CERS4: variants seen among roughly 807,000 people sequenced by gnomAD.
CERS4 encodes the protein ceramide synthase 4.
A neutral mutation model predicts 51.8 loss-of-function variants in CERS4; 65 were observed. The ratio of observed to expected loss-of-function variants is 1.26; its 90% CI spans 1.03 to 1.54. CERS4 has a LOEUF of 1.54. Ranked by LOEUF, CERS4 falls within the 40% of genes most tolerant of loss-of-function variation. The pLI is 0.00. For missense variants in CERS4, 563 were observed against 500.4 expected (o/e 1.13, Z -1.19); for synonymous variants, 228 against 208.4 (o/e 1.09, Z -0.81).
chr19:8,231,661 G>T (rs1968007456), intron 2 of CERS4, among the ~76,000 whole-genome samples: 1 of 151,578 alleles, frequency 6.6e-6, no homozygotes, highest in African/African-American at 2.4e-5. Context: ...CCATTCTCCT[G>T]CCTCAGCCTC....
rs913115348 is a variant in CERS4 at position 8,261,839 on chromosome 19, G to A, written c.1000G>A (p.Gly334Ser). The A allele has an allele frequency of 1.2e-6, 2 of 1,614,138 alleles. No homozygotes were observed. Among genetic ancestry groups the A allele is most frequent in the Non-Finnish European group, 1.7e-6 (2 of 1,180,008 alleles). ...LRMLYSFMKK[G>S]QMEKDIRSDV... ...CATGCTCTATAGCTTCATGAAGAAG[G>A]GCCAGGTATGGCTGGACCTCCCCGG... Residue 334 changes from glycine to serine, a missense_variant, in exon 11 of 12, where the codon GGC becomes AGC. Transcript: ENST00000251363.
At chr19:8,217,304 T>C (rs565538096) in intron 2 of CERS4, among the ~76,000 whole-genome samples, 1 of 152,100 alleles carries the variant, frequency 6.6e-6, no homozygotes, top group Non-Finnish European at 1.5e-5. Flanking sequence ...CTTTGGGCAG[T>C]TACAAGGCAG....
In CERS4 at chr19:8,251,259, T is replaced by C. The variant is rs1243793447; in HGVS notation, c.173+10T>C. ...GCCTTGCCTTTGAGAGGTGAGTGTC[T>C]GCCCTGCCGCAATCCATTGCCCCCG... On this transcript the variant is annotated intron_variant, in intron 3 of 11. Transcript: ENST00000251363. 5 of 1,577,728 alleles carry C rather than the reference T, an allele frequency of 3.2e-6. No homozygotes were observed. The highest frequency in any genetic ancestry group is 1.2e-5 in the South Asian group (1 of 85,824).
intron 7 of CERS4, among the ~76,000 whole-genome samples, 164 bp from the exon 8 acceptor site, chr19:8,256,454 A>C (rs1215333807): frequency 1.3e-5 from 2 of 151,912 alleles, no homozygotes; most frequent in Non-Finnish European, 2.9e-5. Context: ...ACCAAGCAGG[A>C]GCTTCCACCA....
intron 2 of CERS4, among the ~76,000 whole-genome samples, chr19:8,224,758 G>A (rs576413846): frequency 3.3e-5 from 5 of 152,276 alleles, no homozygotes; most frequent in South Asian, 2.1e-4. Flanking sequence ...AATGGGAGCC[G>A]TGGAAATCGG....
intron 2 of CERS4, 161 bp from the exon 3 acceptor site, chr19:8,250,915 T>A: frequency 4.8e-6 from 7 of 1,449,360 alleles, no homozygotes; most frequent in South Asian, 3.1e-5. Context: ...AGTTCCAAAG[T>A]CCCAGGCAAG....
In CERS4 at chr19:8,220,956, G is replaced by C. The variant is rs190068274; in HGVS notation, c.-2+10094G>C. 1.1e-3 allele frequency among the ~76,000 whole-genome samples: 168 copies of C among 152,036 alleles called. 6 individuals carry two copies. The East Asian group carries it at 0.03, about 27-fold the overall frequency. On this transcript the variant is annotated intron_variant, in intron 2 of 11. Coordinates refer to ENST00000251363, the MANE Select transcript of CERS4 (RefSeq NM_024552.3). The stretch of plus-strand genomic sequence containing the variant: ...CCTGCCTCAGCCTCCCGAGTAGCTG[G>C]GACTATAGGCGCCCGCCACGGTGCC...
chr19:8,257,849 G>C, intron 9 of CERS4, 30 bp from the exon 10 acceptor site: 2 of 1,571,806 alleles, frequency 1.3e-6, no homozygotes, highest in South Asian at 2.2e-5. Context: ...CCCTGGTCCT[G>C]AGCCCATTTC....
At chr19:8,249,204 C>T (rs143630219) in intron 2 of CERS4, among the ~76,000 whole-genome samples, 237 of 93,046 alleles carry the variant, frequency 2.5e-3, no homozygotes, top group South Asian at 2.3e-3. Flanking sequence ...GGTGGATGGA[C>T]GATGGGTGGA....
chr19:8,253,880 C>A (rs973705684), intron 3 of CERS4, among the ~76,000 whole-genome samples: 1 of 152,036 alleles, frequency 6.6e-6, no homozygotes, highest in Non-Finnish European at 1.5e-5. Context: ...GAGTCAGCTG[C>A]CTTTCTTATG....
chr19:8,224,870 A>G (rs1358961388), intron 2 of CERS4, among the ~76,000 whole-genome samples: 1 of 152,094 alleles, frequency 6.6e-6, no homozygotes, highest in African/African-American at 2.4e-5. Context: ...TGACTCTCAG[A>G]ATTTTGTCCC....
chr19:8,228,733 A>AG (rs34300317), intron 2 of CERS4, among the ~76,000 whole-genome samples: 2 of 150,988 alleles, frequency 1.3e-5, no homozygotes, highest in Admixed American at 6.6e-5. Flanking sequence ...ATAAAAAAAA[A>AG]TCAGTGAAGG....
intron 2 of CERS4, among the ~76,000 whole-genome samples, chr19:8,221,983 GCC>G (rs1257498213): frequency 6.4e-5 from 8 of 124,068 alleles, no homozygotes; most frequent in African/African-American, 1.5e-4. Flanking sequence ...CCGGGTTCAC[GCC>G]ATTCTCCTGC....
chr19:8,215,341 C>T, intron 2 of CERS4, among the ~76,000 whole-genome samples: 2 of 151,922 alleles, frequency 1.3e-5, no homozygotes, highest in South Asian at 2.1e-4. Flanking sequence ...TAGCCAGGTG[C>T]AGCGGTGTGT....
intron 10 of CERS4, chr19:8,261,378 C>G: frequency 2.8e-6 from 1 of 361,514 alleles, no homozygotes; most frequent in Non-Finnish European, 5.1e-6. Context: ...TGATGGGGGT[C>G]TGAGGAGTAG....
chr19:8,227,214 C>T (rs1239238504), intron 2 of CERS4, among the ~76,000 whole-genome samples: 1 of 152,172 alleles, frequency 6.6e-6, no homozygotes, highest in African/African-American at 2.4e-5. Flanking sequence ...TGTATCAACC[C>T]TGTCTCCTGT....
intron 2 of CERS4, among the ~76,000 whole-genome samples, chr19:8,213,562 C>A (rs1286029654): frequency 1.3e-5 from 2 of 152,170 alleles, no homozygotes; most frequent in Admixed American, 6.6e-5. Context: ...CCAGCCTCAA[C>A]CTCCCAAAGC....
At chr19:8,225,230 G>A (rs1967735418) in intron 2 of CERS4, 1 of 152,226 alleles carries the variant, frequency 6.6e-6, no homozygotes. Flanking sequence ...AGGAGGGATG[G>A]ACAAGGGGAG....
At chr19:8,257,537 TCTC>T (rs1312403795) in intron 9 of CERS4, among the ~76,000 whole-genome samples, 2 of 152,188 alleles carry the variant, frequency 1.3e-5, no homozygotes, top group African/African-American at 4.8e-5. Flanking sequence ...GTTCAAGTAA[TCTC>T]CTGCCTCAGC....
Sources: gnomAD v4.1 joint callset for allele counts (sites outside exome capture counted in the v4.1 genomes callset) on GRCh38, gnomAD v4.1.1 for gene constraint, MANE v1.5 for transcripts, NCBI Gene and HGNC (gene_info 2026-07-23, HGNC 2026-07-21) for gene names.